MINDY3: variants seen among roughly 807,000 people sequenced by gnomAD.
MINDY3 encodes MINDY lysine 48 deubiquitinase 3.
Under a neutral mutation model 69.2 loss-of-function variants are expected in MINDY3, and 38 were observed. The observed-to-expected ratio is 0.55, with a 90% CI of 0.42 to 0.72. The LOEUF (loss-of-function observed/expected upper bound fraction) is 0.72, where lower values mean the gene tolerates loss of function less well. Ranked by LOEUF, MINDY3 falls within the 30% of genes least tolerant of loss-of-function variation. The pLI, the probability that MINDY3 is intolerant of heterozygous loss-of-function variation, is 0.00. For synonymous variants in MINDY3, 192 were observed against 180.1 expected (o/e 1.07, Z -0.53); for missense variants, 522 against 519.0 (o/e 1.01, Z -0.06).
At chr10:15,806,366 A>C (rs1489686029) in intron 10 of MINDY3, among the ~76,000 whole-genome samples, 1 of 152,178 alleles carries the variant, frequency 6.6e-6, no homozygotes, top group East Asian at 1.9e-4. Flanking sequence ...AAGATTACTG[A>C]AACTGTGTCT....
intron 10 of MINDY3, among the ~76,000 whole-genome samples, chr10:15,813,777 CTG>C (rs1304560003): frequency 0.012 from 1,817 of 152,222 alleles, 35 homozygotes; most frequent in African/African-American, 0.037. Flanking sequence ...AAATTACAGA[CTG>C]CCTTAAAAAT....
chr10:15,807,212 AT>A (rs1444056669), intron 10 of MINDY3, among the ~76,000 whole-genome samples: 1 of 152,174 alleles, frequency 6.6e-6, no homozygotes, highest in Non-Finnish European at 1.5e-5. Context: ...ATTACCATGT[AT>A]TATTAATCCT....
chr10:15,808,893 G>A (rs1192854656), intron 10 of MINDY3, among the ~76,000 whole-genome samples: 1 of 152,108 alleles, frequency 6.6e-6, no homozygotes, highest in Non-Finnish European at 1.5e-5. Flanking sequence ...AGATGCTATA[G>A]GCAGGGTCCA....
intron 1 of MINDY3, among the ~76,000 whole-genome samples, chr10:15,850,888 T>C (rs1235722063): frequency 6.6e-6 from 1 of 152,130 alleles, no homozygotes; most frequent in Non-Finnish European, 1.5e-5. Flanking sequence ...GCTTTAAAAC[T>C]TCTCTCTTTT....
At chr10:15,796,048 A>C in intron 11 of MINDY3, 52 bp downstream of exon 11, 1 of 1,313,536 alleles carries the variant, frequency 7.6e-7, no homozygotes, top group Non-Finnish European at 1.1e-6. Flanking sequence ...CTATCAATGT[A>C]TTTCAAACAT....
Position 15,815,869 on chromosome 10 carries a change from G to A in MINDY3, c.882+966C>T, listed in dbSNP as rs112660127. Among the ~76,000 whole-genome samples the A allele has an allele frequency of 6.1e-3, 923 of 152,248 alleles. 16 individuals carry two copies. The highest frequency in any genetic ancestry group is 0.021 in the African/African-American group (877 of 41,550). On this transcript the variant is annotated intron_variant, in intron 10 of 14. Transcript: ENST00000277632. ...CAAGGCTGGGATTAAAACCAAAGTC[G>A]TCTGAGGCCAAAGCTCTTAACCACT...
intron 8 of MINDY3, among the ~76,000 whole-genome samples, chr10:15,823,676 C>G: frequency 6.6e-6 from 1 of 152,196 alleles, no homozygotes; most frequent in Non-Finnish European, 1.5e-5. Flanking sequence ...AGAGTATCCA[C>G]TGCTCAAGTA....
At chr10:15,779,245 T>C (rs1836329981) in intron 14 of MINDY3, 104 bp from the exon 15 acceptor site, 4 of 894,962 alleles carry the variant, frequency 4.5e-6, no homozygotes, top group Admixed American at 6.5e-5. Flanking sequence ...TATTACATAG[T>C]TTCAGATGAA....
chr10:15,803,057 GGCTT>G, intron 10 of MINDY3, among the ~76,000 whole-genome samples: 1 of 152,218 alleles, frequency 6.6e-6, no homozygotes, highest in Admixed American at 6.5e-5. Flanking sequence ...AGTGATTACT[GGCTT>G]GCTTATTTTG....
In MINDY3 at chr10:15,821,556, T is replaced by C. The variant is rs1310700301; in HGVS notation, c.801+100A>G. 10 of 854,038 alleles carry C rather than the reference T, an allele frequency of 1.2e-5. 1 individual carries two copies. Among genetic ancestry groups the C allele is most frequent in the South Asian group, 8.3e-5 (5 of 60,598 alleles). 52.9% of individuals were successfully genotyped at this position (854,038 alleles called of 1,614,324 possible). ...GGAAGAAGAGAGCGGTACTGAACCA[T>C]AGTGCTGTGCTCAAATGTGCTGTCA... On this transcript the variant is annotated intron_variant, in intron 9 of 14. Coordinates refer to ENST00000277632, the MANE Select transcript of MINDY3 (RefSeq NM_024948.4).
Position 15,784,903 on chromosome 10 carries a change from C to A in MINDY3, c.1116+1658G>T, listed in dbSNP as rs138294411. 1.6e-3 allele frequency among the ~76,000 whole-genome samples: 243 copies of A among 152,018 alleles called. 1 individual carries two copies. Among genetic ancestry groups the A allele is most frequent in the African/African-American group, 5.5e-3 (229 of 41,456 alleles). On this transcript the variant is annotated intron_variant, in intron 13 of 14. Coordinates refer to ENST00000277632, the MANE Select transcript of MINDY3 (RefSeq NM_024948.4). Reference sequence around the variant, plus strand: ...CATGATCGGAAAAGATCTATGACACCGAGGGCGTCTGAGCTGCTATAGGAT... The same window carrying A: ...CATGATCGGAAAAGATCTATGACACAGAGGGCGTCTGAGCTGCTATAGGAT...
intron 11 of MINDY3, among the ~76,000 whole-genome samples, chr10:15,795,652 T>C (rs1178316988): frequency 6.6e-6 from 1 of 152,082 alleles, no homozygotes; most frequent in Non-Finnish European, 1.5e-5. Flanking sequence ...AACTATACTT[T>C]GTTAGGTAGA....
At chr10:15,820,179 G>T (rs1229792273) in intron 9 of MINDY3, among the ~76,000 whole-genome samples, 1 of 152,118 alleles carries the variant, frequency 6.6e-6, no homozygotes, top group South Asian at 2.1e-4. Context: ...AGTCTCTGAG[G>T]TACGATCTGC....
chr10:15,816,621 A>T (rs11253656), intron 10 of MINDY3, among the ~76,000 whole-genome samples: 24,454 of 152,140 alleles, frequency 0.16, 2,460 homozygotes, highest in South Asian at 0.25. Context: ...AGAAGAAGAA[A>T]TTATAACTAA....
Position 15,804,556 on chromosome 10 carries a change from T to G in MINDY3, c.883-8384A>C, listed in dbSNP as rs1021553165. Among the ~76,000 whole-genome samples the G allele has an allele frequency of 3.9e-5, 6 of 152,278 alleles. No individual in the cohort carries two copies. The East Asian group carries it at 9.7e-4, about 25-fold the overall frequency. Reference sequence around the variant, plus strand: ...AAGAACCTCCAAGAGCATCGTCATCTAACTTCAAGAATGACTGCACATATA... The same window carrying G: ...AAGAACCTCCAAGAGCATCGTCATCGAACTTCAAGAATGACTGCACATATA... On this transcript the variant is annotated intron_variant, in intron 10 of 14. Transcript: ENST00000277632.
chr10:15,788,562 A>G (rs967177435), intron 12 of MINDY3, among the ~76,000 whole-genome samples: 1 of 152,122 alleles, frequency 6.6e-6, no homozygotes, highest in Non-Finnish European at 1.5e-5. Flanking sequence ...ATGCTGAAAA[A>G]AGGAGTAAAG....
In MINDY3 at chr10:15,797,932, C is replaced by T. The variant is rs74408446; in HGVS notation, c.883-1760G>A. ...CACATTTTTCTTTTTCAATTGTCTC[C>T]GTTAGACTGTTGAAATTTATAGATG... On this transcript the variant is annotated intron_variant, in intron 10 of 14. Transcript: ENST00000277632. Among the ~76,000 whole-genome samples the T allele has an allele frequency of 4.8e-3, 732 of 152,168 alleles. 6 individuals are homozygous for T. Among genetic ancestry groups the T allele is most frequent in the African/African-American group, 0.017 (694 of 41,534 alleles).
chr10:15,842,863 A>G (rs574541565), intron 3 of MINDY3, among the ~76,000 whole-genome samples: 1 of 151,022 alleles, frequency 6.6e-6, no homozygotes, highest in East Asian at 1.9e-4. Context: ...GCAGGAATAT[A>G]ATGATAATTC....
At chr10:15,798,447 G>T (rs1838000072) in intron 10 of MINDY3, among the ~76,000 whole-genome samples, 1 of 149,818 alleles carries the variant, frequency 6.7e-6, no homozygotes, top group South Asian at 2.1e-4. Flanking sequence ...CTGATGCCTT[G>T]TCTCTAAGTG....
Sources: allele counts gnomAD v4.1 joint callset (sites outside exome capture counted in the v4.1 genomes callset), GRCh38; gene constraint gnomAD v4.1.1; transcripts MANE v1.5; gene names NCBI Gene and HGNC (gene_info 2026-07-23, HGNC 2026-07-21).